The following PTPN9 variants were observed in gnomAD, a reference collection of about 807,000 sequenced individuals.
The protein encoded by PTPN9 is tyrosine-protein phosphatase non-receptor type 9.
Under a neutral mutation model 69.8 loss-of-function variants are expected in PTPN9, and 26 were observed. The ratio of observed to expected loss-of-function variants is 0.37; its 90% CI spans 0.27 to 0.52. The LOEUF (loss-of-function observed/expected upper bound fraction) is 0.52, where lower values mean the gene tolerates loss of function less well. Among genes scored for constraint, PTPN9 ranks in the 20% least tolerant of loss-of-function variants. The probability of loss-of-function intolerance (pLI) is 0.91; values close to 1 mark genes in which losing one functional copy is unlikely to be tolerated. For synonymous variants in PTPN9, 274 were observed against 272.5 expected (o/e 1.01, Z -0.05); for missense variants, 549 against 740.3 (o/e 0.74, Z 3.00).
intron 1 of PTPN9, among the ~76,000 whole-genome samples, chr15:75,535,834 G>A (rs147798042): frequency 6.6e-6 from 1 of 152,196 alleles, no homozygotes; most frequent in East Asian, 1.9e-4. Flanking sequence ...AGACACACTG[G>A]TTTGCTATAA....
rs774862716 is a variant in PTPN9 at position 75,470,776 on chromosome 15, G to A, written c.1263C>T (p.Asp421=). The part of the protein sequence containing the change: ...KCGQYWPLEK[D]SRIRFGFLTV... Reference sequence around the variant, plus strand: ...TGAGGAAGCCAAATCGGATCCGAGAGTCTTTTTCTAAAGGCCAGTACTGGC... The same window carrying A: ...TGAGGAAGCCAAATCGGATCCGAGAATCTTTTTCTAAAGGCCAGTACTGGC... The change falls in exon 11 of 13, where the codon GAC becomes GAT. Residue 421 remains aspartate (D), a synonymous_variant. Transcript: ENST00000618819. 6.8e-6 allele frequency: 11 copies of A among 1,614,106 alleles called. No homozygotes were observed. The African/African-American group carries it at 1.2e-4, about 18-fold the overall frequency.
intron 1 of PTPN9, among the ~76,000 whole-genome samples, chr15:75,568,120 C>G (rs952818467): frequency 6.6e-6 from 1 of 152,114 alleles, no homozygotes; most frequent in African/African-American, 2.4e-5. Context: ...AAGAGATCAG[C>G]AATCCTTAAT....
intron 1 of PTPN9, among the ~76,000 whole-genome samples, chr15:75,568,789 A>G (rs989478898): frequency 2.0e-5 from 3 of 151,828 alleles, no homozygotes; most frequent in Non-Finnish European, 4.4e-5. Flanking sequence ...GCGAGCTAGG[A>G]TCAAGCCACT....
At position 75,578,728 on chromosome 15, in the gene PTPN9, G is replaced by T; in HGVS notation, c.49C>A (p.Pro17Thr). The T allele has an allele frequency of 7.3e-7, 1 of 1,363,022 alleles. No homozygotes were observed. The highest frequency in any genetic ancestry group is 1.7e-5 in the South Asian group (1 of 59,992). The allele number at this position is 1,363,022 out of a possible 1,614,324, so 84.4% of individuals were successfully genotyped here. A position where few individuals can be genotyped will look rare whatever the true frequency, so the allele number is the denominator to read the frequency against. ...PRPDMAPELT[P>T]EEEQATKQFL... ...GGCCCGCTTACCTGCTCCTCCTCCG[G>T]GGTCAGCTCCGGCGCCATGTCGGGC... The change falls in exon 1 of 13, where the codon CCG becomes ACG. Residue 17 changes from proline (P) to threonine (T), a missense_variant. Pro to Thr is a conservative substitution (Grantham distance 38, BLOSUM62 -1). This residue lies in a region of PTPN9 where 62 missense variants were observed against 53.6 expected (regional missense o/e 1.16). Transcript: ENST00000618819.
intron 1 of PTPN9, among the ~76,000 whole-genome samples, chr15:75,553,455 A>AGGAC (rs2075064025): frequency 6.6e-6 from 1 of 152,200 alleles, no homozygotes; most frequent in Non-Finnish European, 1.5e-5. Context: ...GAATCAATCC[A>AGGAC]GGACAGATGA....
At chr15:75,481,874 A>G (rs1595948142) in intron 8 of PTPN9, among the ~76,000 whole-genome samples, 2 of 126,440 alleles carry the variant, frequency 1.6e-5, no homozygotes, top group South Asian at 2.8e-4. Context: ...CCCCTCCGGG[A>G]GGTGAGGGGG....
At chr15:75,477,362 A>G (rs1301567859) in intron 9 of PTPN9, among the ~76,000 whole-genome samples, 2 of 152,200 alleles carry the variant, frequency 1.3e-5, no homozygotes, top group Non-Finnish European at 2.9e-5. Flanking sequence ...TGGGAGGCCG[A>G]GGTAGGCAGA....
At position 75,527,523 on chromosome 15, in the gene PTPN9, G is replaced by A. The variant is rs117665130; in HGVS notation, c.64-262C>T. ...GCAGGTATGCATGAAAAAATGAGGG[G>A]GGAGAAGAGGGATCCTAAATGAGAT... On this transcript the variant is annotated intron_variant, in intron 1 of 12. Coordinates refer to ENST00000618819, the MANE Select transcript of PTPN9 (RefSeq NM_002833.4). Among the ~76,000 whole-genome samples the A allele has an allele frequency of 3.7e-3, 561 of 151,872 alleles. 3 individuals are homozygous for A. The highest frequency in any genetic ancestry group is 5.7e-3 in the Non-Finnish European group (389 of 67,936).
chr15:75,472,460 AAAAAT>A (rs369195573), intron 10 of PTPN9, among the ~76,000 whole-genome samples: 1,531 of 149,692 alleles, frequency 0.01, 29 homozygotes, highest in African/African-American at 0.035. Flanking sequence ...ACTCCGTCTC[AAAAAT>A]AAAATAAAAT....
chr15:75,564,457 G>T (rs370957192), intron 1 of PTPN9, among the ~76,000 whole-genome samples: 1 of 151,804 alleles, frequency 6.6e-6, no homozygotes, highest in South Asian at 2.1e-4. Context: ...TTAGCCAGGC[G>T]TGGTAGCGGG....
rs2074545967 is a variant in PTPN9 at position 75,468,292 on chromosome 15, ACTT to A, written c.*474_*476del. On this transcript the variant is annotated 3_prime_UTR_variant, in exon 13 of 13. Coordinates refer to ENST00000618819, the MANE Select transcript of PTPN9 (RefSeq NM_002833.4). ...CAGAAAGGACTGGAATACACGCCCT[ACTT>A]ATAAACGTGCTTGGCACTCAGGACG... 1 of 168,730 alleles carries A rather than the reference ACTT, an allele frequency of 5.9e-6. No individual in the cohort carries two copies. Among genetic ancestry groups the A allele is most frequent in the Non-Finnish European group, 1.3e-5 (1 of 76,446 alleles). The allele number at this position is 168,730 out of a possible 1,614,324, so 10.5% of individuals were successfully genotyped here.
At chr15:75,501,558 G>A (rs1013074185) in intron 7 of PTPN9, among the ~76,000 whole-genome samples, 2 of 149,460 alleles carry the variant, frequency 1.3e-5, no homozygotes, top group East Asian at 2.0e-4. Flanking sequence ...TTGACCTCCC[G>A]GGCTCAAGTG....
intron 7 of PTPN9, among the ~76,000 whole-genome samples, chr15:75,498,101 C>T (rs755389683): frequency 8.7e-5 from 13 of 149,650 alleles, no homozygotes; most frequent in Non-Finnish European, 1.6e-4. Flanking sequence ...GAGACTGAGG[C>T]GGGAGATCAC....
rs140141325 is a variant in PTPN9 at position 75,527,843 on chromosome 15, C to T, written c.64-582G>A. Reference sequence around the variant, plus strand: ...TGCACTCCAGCCTGGGCAACAAGAGCGAAACTGTCTCAAAAAAAAAAAGAA... The same window carrying T: ...TGCACTCCAGCCTGGGCAACAAGAGTGAAACTGTCTCAAAAAAAAAAAGAA... On this transcript the variant is annotated intron_variant, in intron 1 of 12. Coordinates refer to ENST00000618819, the MANE Select transcript of PTPN9 (RefSeq NM_002833.4). 7.0e-3 allele frequency among the ~76,000 whole-genome samples: 1,012 copies of T among 145,464 alleles called. 5 individuals are homozygous for T. Among genetic ancestry groups the T allele is most frequent in the Non-Finnish European group, 0.012 (775 of 66,638 alleles).
chr15:75,519,957 C>T (rs1459319376), intron 4 of PTPN9, among the ~76,000 whole-genome samples: 3 of 151,944 alleles, frequency 2.0e-5, no homozygotes, highest in Admixed American at 6.6e-5. Flanking sequence ...AGTGAAACTC[C>T]GCCTCTACAA....
chr15:75,539,807 G>C (rs2141329646), intron 1 of PTPN9, among the ~76,000 whole-genome samples: 2 of 149,218 alleles, frequency 1.3e-5, no homozygotes, highest in Admixed American at 1.4e-4. Flanking sequence ...GAGTAGCTGG[G>C]ATTACAGGCG....
intron 4 of PTPN9, among the ~76,000 whole-genome samples, chr15:75,520,890 ACCTCCCAGGGCTCAGATGAT>A (rs1181060645): frequency 2.0e-5 from 3 of 151,410 alleles, no homozygotes; most frequent in Admixed American, 6.6e-5. Context: ...TGTAGCCTCG[ACCTCCCAGGGCTCAGATGAT>A]CCTCCCAGGG....
At chr15:75,486,939 C>G (rs2074681816) in intron 8 of PTPN9, among the ~76,000 whole-genome samples, 1 of 151,872 alleles carries the variant, frequency 6.6e-6, no homozygotes, top group Non-Finnish European at 1.5e-5. Flanking sequence ...CGCCCACCAC[C>G]ACACCTGGCT....
chr15:75,569,580 C>A (rs918140857), intron 1 of PTPN9, among the ~76,000 whole-genome samples: 3 of 150,232 alleles, frequency 2.0e-5, no homozygotes, highest in African/African-American at 7.4e-5. Flanking sequence ...TGGCGGGCAC[C>A]TGTAATCCCA....
Sources: gnomAD v4.1 joint callset for allele counts (sites outside exome capture counted in the v4.1 genomes callset) on GRCh38, gnomAD v4.1.1 for gene constraint, gnomAD v4.1.1 regional missense constraint, MANE v1.5 for transcripts, NCBI Gene and HGNC (gene_info 2026-07-23, HGNC 2026-07-21) for gene names.